Variants in RAD52 observed in about 807,000 individuals in gnomAD.
RAD52 encodes DNA repair protein RAD52 homolog.
Under a neutral mutation model 55.5 loss-of-function variants are expected in RAD52, and 47 were observed. The ratio of observed to expected loss-of-function variants is 0.85; its 90% CI spans 0.67 to 1.08. The LOEUF (loss-of-function observed/expected upper bound fraction) is 1.08. RAD52 is among the 50% of genes least tolerant of loss of function. The pLI is 0.00. For missense variants in RAD52, 468 were observed against 522.8 expected, an observed-to-expected ratio of 0.90 and a Z score of 1.02; for synonymous variants, 184 against 198.9, an observed-to-expected ratio of 0.92 and a Z score of 0.63.
At chr12:976,018 T>C (rs1244335858) in intron 1 of RAD52, 1 of 152,240 alleles carries the variant, frequency 6.6e-6, no homozygotes. Context: ...AATGTTGTAG[T>C]GGATTAAAGA....
At chr12:973,109 G>C (rs1268715461) in intron 1 of RAD52, among the ~76,000 whole-genome samples, 1 of 152,066 alleles carries the variant, frequency 6.6e-6, no homozygotes, top group Non-Finnish European at 1.5e-5. Context: ...TCGCTCTGTC[G>C]CCCAGGCTGG....
intron 1 of RAD52, among the ~76,000 whole-genome samples, chr12:987,484 T>G (rs1437346475): frequency 6.6e-6 from 1 of 152,074 alleles, no homozygotes; most frequent in African/African-American, 2.4e-5. Flanking sequence ...CTTTTTCACA[T>G]AATATTAGTC....
At chr12:921,923 T>C in intron 7 of RAD52, among the ~76,000 whole-genome samples, 1 of 151,100 alleles carries the variant, frequency 6.6e-6, no homozygotes, top group East Asian at 2.0e-4. Context: ...CTGACCAACA[T>C]GGTGAAACCC....
intron 6 of RAD52, chr12:926,763 T>C: frequency 6.6e-7 from 1 of 1,518,830 alleles, no homozygotes; most frequent in Non-Finnish European, 8.8e-7. Context: ...CACGGACATC[T>C]GCGTGACTGT....
intron 7 of RAD52, among the ~76,000 whole-genome samples, chr12:917,729 C>T (rs576483150): frequency 1.6e-5 from 2 of 128,888 alleles, no homozygotes; most frequent in African/African-American, 6.0e-5. Context: ...AAAAAAAAAT[C>T]GAAGGAACTC....
intron 7 of RAD52, among the ~76,000 whole-genome samples, chr12:924,131 C>T (rs1057249915): frequency 4.0e-5 from 6 of 151,530 alleles, no homozygotes; most frequent in African/African-American, 1.2e-4. Flanking sequence ...TAACAAAGGC[C>T]GGGCGCGGGG....
At chr12:924,947 ATTTT>A (rs10708242) in intron 7 of RAD52, among the ~76,000 whole-genome samples, 9 of 105,594 alleles carry the variant, frequency 8.5e-5, no homozygotes, top group Admixed American at 1.1e-4. Context: ...AAATGGTGTG[ATTTT>A]TTTTTTTTTT....
rs373811230 is a variant in RAD52 at position 980,182 on chromosome 12, T to C, written c.-19+9627A>G. Among the ~76,000 whole-genome samples, 240 of 151,452 alleles carry C rather than the reference T, an allele frequency of 1.6e-3. 1 individual carries two copies. The highest frequency in any genetic ancestry group is 5.4e-3 in the African/African-American group (223 of 41,260). The stretch of plus-strand genomic sequence containing the variant: ...TCCAGCCTGGGCGACAGAGTGAGAC[T>C]CCATCTTGGCCAGCGGGGGGTGGAA... On this transcript the variant is annotated intron_variant, in intron 1 of 11. Coordinates refer to the RAD52 transcript ENST00000430095.
chr12:969,296 A>G lies in RAD52; in HGVS notation c.-19+20513T>C, dbSNP rs577667420. On this transcript the variant is annotated intron_variant, in intron 1 of 11. Transcript: ENST00000430095. ...TGCATCCCAGGAACACCAGTCAAAG[A>G]ATTATTTAACATTCTCACAATGAGA... Among the ~76,000 whole-genome samples the G allele has an allele frequency of 3.3e-5, 5 of 152,146 alleles. No homozygotes were observed. The East Asian group carries it at 7.7e-4, about 23-fold the overall frequency.
At chr12:935,697 T>A (rs1184005312) in intron 1 of RAD52, among the ~76,000 whole-genome samples, 1 of 150,132 alleles carries the variant, frequency 6.7e-6, no homozygotes, top group Non-Finnish European at 1.5e-5. Flanking sequence ...CTACTAAAAA[T>A]ACAAAATTAG....
At chr12:935,593 C>T (rs1364728963) in intron 1 of RAD52, among the ~76,000 whole-genome samples, 1 of 151,634 alleles carries the variant, frequency 6.6e-6, no homozygotes, top group African/African-American at 2.4e-5. Context: ...GTGGCTCACG[C>T]CTGTAATCCC....
chr12:917,606 G>C (rs1956466708), intron 7 of RAD52, among the ~76,000 whole-genome samples: 2 of 151,922 alleles, frequency 1.3e-5, no homozygotes, highest in Non-Finnish European at 2.9e-5. Flanking sequence ...GCTTTGGCCA[G>C]GCACGTTGAC....
chr12:914,420 A>G lies in RAD52; in HGVS notation c.967+11T>C. On this transcript the variant is annotated intron_variant, in intron 10 of 11. Coordinates refer to ENST00000358495, the MANE Select transcript of RAD52 (RefSeq NM_134424.4). The stretch of plus-strand genomic sequence containing the variant: ...CAGCACAGTAGCTTACAAGCATTTC[A>G]AGGTATTTACTGATTAATTCTTGAG... 6.2e-7 allele frequency: 1 copy of G among 1,613,662 alleles called. No individual in the cohort carries two copies. Among genetic ancestry groups the G allele is most frequent in the South Asian group, 1.1e-5 (1 of 91,020 alleles).
chr12:928,076 A>G (rs1957135510), intron 5 of RAD52, among the ~76,000 whole-genome samples: 1 of 152,202 alleles, frequency 6.6e-6, no homozygotes, highest in Non-Finnish European at 1.5e-5. Context: ...TTTTTAAAAA[A>G]TAACTCAGAA....
chr12:926,690 A>G, intron 6 of RAD52: 1 of 1,229,910 alleles, frequency 8.1e-7, no homozygotes, highest in Non-Finnish European at 1.1e-6. Flanking sequence ...AGCCAATCAA[A>G]CCTCCTTTAT....
intron 1 of RAD52, among the ~76,000 whole-genome samples, chr12:970,318 C>CAAAAAAAAAAAAAAAA (rs4017793): frequency 1.5e-5 from 1 of 67,182 alleles, no homozygotes; most frequent in Non-Finnish European, 2.6e-5. Flanking sequence ...GACATCATCT[C>CAAAAAAAAAAAAAAAA]AAAAAAAAAA....
At chr12:938,088 T>A (rs1380422261) in intron 1 of RAD52, among the ~76,000 whole-genome samples, 1 of 152,132 alleles carries the variant, frequency 6.6e-6, no homozygotes, top group Non-Finnish European at 1.5e-5. Context: ...AATCTCCAAA[T>A]AAACTACTTG....
intron 1 of RAD52, among the ~76,000 whole-genome samples, chr12:935,043 A>T: frequency 6.6e-6 from 1 of 152,102 alleles, no homozygotes; most frequent in East Asian, 1.9e-4. Context: ...TGAACTTGGG[A>T]GGCAGAGGTT....
intron 1 of RAD52, among the ~76,000 whole-genome samples, chr12:966,161 CTTG>C (rs1184210745): frequency 1.3e-5 from 2 of 151,884 alleles, no homozygotes; most frequent in African/African-American, 2.4e-5. Flanking sequence ...GAGTTGAGGT[CTTG>C]TTATGTTGTC....
Sources: gnomAD v4.1 joint callset for allele counts (sites outside exome capture counted in the v4.1 genomes callset) on GRCh38, gnomAD v4.1.1 for gene constraint, MANE v1.5 for transcripts, NCBI Gene and HGNC (gene_info 2026-07-23, HGNC 2026-07-21) for gene names.